QTMAN: variants seen among roughly 807,000 people sequenced by gnomAD.
The protein encoded by QTMAN is tRNA-queuosine alpha-mannosyltransferase.
chr2:144,265,817 G>C, the QTMAN span, among the ~76,000 whole-genome samples: 1 of 152,124 alleles, frequency 6.6e-6, no homozygotes, highest in South Asian at 2.1e-4. Flanking sequence ...ATCTTCCTCA[G>C]TTACTCAGGT....
At chr2:144,332,083 A>G in the QTMAN span, among the ~76,000 whole-genome samples, 3 of 152,182 alleles carry the variant, frequency 2.0e-5, no homozygotes, top group Non-Finnish European at 2.9e-5. Context: ...GAAGAAGCGG[A>G]GCGCCGGGCC....
At chr2:144,234,113 T>C in the QTMAN span, among the ~76,000 whole-genome samples, 10 of 152,218 alleles carry the variant, frequency 6.6e-5, no homozygotes, top group African/African-American at 2.4e-4. Context: ...GATGAAAAGA[T>C]TATAACATTA....
the QTMAN span, among the ~76,000 whole-genome samples, chr2:144,094,438 A>G: frequency 6.6e-6 from 1 of 152,212 alleles, no homozygotes; most frequent in Non-Finnish European, 1.5e-5. Context: ...TCCAAGACTG[A>G]GTAATTTCTT....
the QTMAN span, among the ~76,000 whole-genome samples, chr2:144,307,463 G>A: frequency 6.6e-6 from 1 of 152,156 alleles, no homozygotes; most frequent in Admixed American, 6.5e-5. Flanking sequence ...TCTGTGCAAT[G>A]TAAACAGTGT....
At chr2:144,069,999 A>G in the QTMAN span, among the ~76,000 whole-genome samples, 4 of 152,130 alleles carry the variant, frequency 2.6e-5, no homozygotes, top group Non-Finnish European at 5.9e-5. Flanking sequence ...GTGAAGGCAG[A>G]TAATTTAATA....
the QTMAN span, among the ~76,000 whole-genome samples, chr2:144,290,978 G>A: frequency 4.6e-5 from 7 of 152,228 alleles, no homozygotes; most frequent in East Asian, 1.9e-4. Flanking sequence ...TCAAGGTGTC[G>A]GCAGGGTTGA....
the QTMAN span, among the ~76,000 whole-genome samples, chr2:144,046,460 A>T: frequency 1.3e-5 from 2 of 152,322 alleles, no homozygotes; most frequent in Admixed American, 1.3e-4. Context: ...ATCAGAGCTC[A>T]CTGCAGCCTC....
chr2:144,100,859 C>CTTTTTTTTTTTTTTTTTTTTT, the QTMAN span, among the ~76,000 whole-genome samples: 5 of 77,912 alleles, frequency 6.4e-5, 1 homozygote, highest in Non-Finnish European at 1.2e-4. Flanking sequence ...GTCTTTCTTT[C>CTTTTTTTTTTTTTTTTTTTTT]TTTTTTTTTT....
At chr2:144,201,589 G>C in the QTMAN span, among the ~76,000 whole-genome samples, 4 of 152,242 alleles carry the variant, frequency 2.6e-5, no homozygotes, top group Admixed American at 1.3e-4. Context: ...ATCAACAAAG[G>C]GTTCACTAAG....
chr2:144,325,396 G>A, the QTMAN span, among the ~76,000 whole-genome samples: 1 of 151,860 alleles, frequency 6.6e-6, no homozygotes, highest in Non-Finnish European at 1.5e-5. Context: ...GGATTCCTGT[G>A]TAGCAAAGAA....
chr2:143,950,794 C>T, the QTMAN span, among the ~76,000 whole-genome samples: 1 of 151,420 alleles, frequency 6.6e-6, no homozygotes, highest in Non-Finnish European at 1.5e-5. Context: ...AAATCTTGAA[C>T]GACTGTTTTC....
chr2:144,139,362 T>C, the QTMAN span, among the ~76,000 whole-genome samples: 9 of 151,950 alleles, frequency 5.9e-5, no homozygotes, highest in Non-Finnish European at 1.2e-4. Flanking sequence ...CAAGATAAAA[T>C]AACCTTTTGT....
the QTMAN span, among the ~76,000 whole-genome samples, chr2:144,097,745 T>C: frequency 2.6e-5 from 4 of 152,198 alleles, no homozygotes; most frequent in African/African-American, 4.8e-5. Flanking sequence ...TTTTGACATA[T>C]CTGGCTTCCT....
the QTMAN span, among the ~76,000 whole-genome samples, chr2:144,054,624 T>C: frequency 1.3e-5 from 2 of 152,176 alleles, no homozygotes; most frequent in Non-Finnish European, 1.5e-5. Context: ...TTGGGTTACA[T>C]GAAGGATGAT....
chr2:144,182,898 ATATT>A, the QTMAN span, among the ~76,000 whole-genome samples: 2 of 97,960 alleles, frequency 2.0e-5, no homozygotes, highest in East Asian at 5.1e-4. Flanking sequence ...ATATATATAT[ATATT>A]ATATATATAT....
chr2:144,243,478 GCATT>G, the QTMAN span, among the ~76,000 whole-genome samples: 1 of 152,146 alleles, frequency 6.6e-6, no homozygotes. Context: ...AGGAATGATA[GCATT>G]TTGCAAACAA....
the QTMAN span, among the ~76,000 whole-genome samples, chr2:144,071,572 G>A: frequency 2.6e-5 from 4 of 152,054 alleles, no homozygotes; most frequent in East Asian, 1.9e-4. Flanking sequence ...AATGTCTCAC[G>A]TTCCACGAAG....
At chr2:144,210,032 G>A in the QTMAN span, among the ~76,000 whole-genome samples, 1 of 145,332 alleles carries the variant, frequency 6.9e-6, no homozygotes, top group Admixed American at 6.9e-5. Context: ...GGAGGATGGG[G>A]GAATATAAAT....
chr2:144,324,050 A>T, the QTMAN span, among the ~76,000 whole-genome samples: 1 of 152,092 alleles, frequency 6.6e-6, no homozygotes, highest in Non-Finnish European at 1.5e-5. Context: ...TATTCTTTAA[A>T]TCTTCATTAG....
Sources: gnomAD v4.1 joint callset for allele counts (sites outside exome capture counted in the v4.1 genomes callset) on GRCh38, gnomAD v4.1.1 for gene constraint, MANE v1.5 for transcripts, NCBI Gene and HGNC (gene_info 2026-07-23, HGNC 2026-07-21) for gene names.